KDM4C: variants seen among roughly 807,000 people sequenced by gnomAD.
The protein encoded by KDM4C is lysine-specific demethylase 4C.
In KDM4C, 81 loss-of-function variants were observed where a neutral mutation model predicts 129.3. The observed-to-expected ratio is 0.63, with a 90% CI of 0.52 to 0.75. The LOEUF is 0.75. KDM4C is among the 30% of genes least tolerant of loss of function. The pLI is 0.00. For synonymous variants in KDM4C, 573 were observed against 456.1 expected, an observed-to-expected ratio of 1.26 and a Z score of -3.26; for missense variants, 1,457 against 1,304.0, an observed-to-expected ratio of 1.12 and a Z score of -1.81.
rs555591302 is a variant in KDM4C, at chr9:6,836,107, G to T, written c.436-13400G>T. Among the ~76,000 whole-genome samples, 3 of 152,266 alleles carry T rather than the reference G, an allele frequency of 2.0e-5. No homozygotes were observed. The South Asian group carries it at 6.2e-4, about 32-fold the overall frequency. ...GTCTCCCTGGGAGTGGGTACAGGCA[G>T]CCAGGGCTTACCTGTACACTGACTT... On this transcript the variant is annotated intron_variant, in intron 4 of 21. Transcript: ENST00000381309.
rs542318404 is a variant in KDM4C at position 6,788,389 on chromosome 9, G to A, written c.-17-4583G>A. 1.4e-4 allele frequency among the ~76,000 whole-genome samples: 21 copies of A among 152,252 alleles called. 1 individual carries two copies. The South Asian group carries it at 4.1e-3, about 30-fold the overall frequency. ...GGCCACCCTTGTTCTTTAGCCTGTC[G>A]AAGATGAACACTGCCTTCTGTGTAC... On this transcript the variant is annotated intron_variant, in intron 1 of 21. Transcript: ENST00000381309.
intron 8 of KDM4C, among the ~76,000 whole-genome samples, chr9:6,971,334 C>T (rs1831951246): frequency 6.6e-6 from 1 of 151,980 alleles, no homozygotes; most frequent in Non-Finnish European, 1.5e-5. Context: ...GGATTTATTC[C>T]AGTTTGGATT....
chr9:7,095,950 T>G (rs920601041), intron 17 of KDM4C, among the ~76,000 whole-genome samples: 4 of 152,164 alleles, frequency 2.6e-5, no homozygotes, highest in African/African-American at 9.7e-5. Context: ...AATACGAACA[T>G]AAAAAGAAAT....
chr9:7,119,683 T>A (rs1427632917), intron 18 of KDM4C, among the ~76,000 whole-genome samples: 1 of 152,030 alleles, frequency 6.6e-6, no homozygotes, highest in Non-Finnish European at 1.5e-5. Flanking sequence ...ATATAATTAT[T>A]TGTTTGTAAT....
At chr9:6,842,006 C>G in intron 4 of KDM4C, among the ~76,000 whole-genome samples, 1 of 152,172 alleles carries the variant, frequency 6.6e-6, no homozygotes, top group East Asian at 1.9e-4. Flanking sequence ...GCATATTGAT[C>G]ATGGAACAGA....
At chr9:7,042,283 T>C (rs818873) in intron 15 of KDM4C, among the ~76,000 whole-genome samples, 151,173 of 152,144 alleles carry the variant, frequency 0.99, 75,112 homozygotes, top group Middle Eastern at 1. Flanking sequence ...ATATTAAACA[T>C]TGTGATATGT....
intron 17 of KDM4C, among the ~76,000 whole-genome samples, chr9:7,080,645 G>T (rs953624727): frequency 3.9e-5 from 6 of 152,112 alleles, no homozygotes; most frequent in East Asian, 1.9e-4. Flanking sequence ...TATATTTGGG[G>T]CAGACATTTT....
At chr9:6,821,798 C>T (rs920415580) in intron 4 of KDM4C, among the ~76,000 whole-genome samples, 2 of 152,092 alleles carry the variant, frequency 1.3e-5, no homozygotes, top group Non-Finnish European at 2.9e-5. Flanking sequence ...CCACACCTGT[C>T]TAATTTTTGT....
chr9:6,881,307 CT>C (rs1224943276), intron 6 of KDM4C, among the ~76,000 whole-genome samples: 1 of 152,056 alleles, frequency 6.6e-6, no homozygotes, highest in Non-Finnish European at 1.5e-5. Flanking sequence ...TATAAAGTGT[CT>C]TTTTAAAAAT....
At chr9:6,776,860 C>T (rs1296114949) in intron 1 of KDM4C, among the ~76,000 whole-genome samples, 2 of 151,172 alleles carry the variant, frequency 1.3e-5, no homozygotes, top group African/African-American at 4.8e-5. Context: ...CCTCGGCCTC[C>T]CAAAGTGCTG....
chr9:6,732,121 A>T (rs1273329424), intron 1 of KDM4C, among the ~76,000 whole-genome samples: 3 of 151,968 alleles, frequency 2.0e-5, no homozygotes, highest in African/African-American at 4.8e-5. Context: ...TAATCCCAGC[A>T]CTTGGGAGGC....
At chr9:6,830,063 G>A (rs1465507504) in intron 4 of KDM4C, among the ~76,000 whole-genome samples, 1 of 152,042 alleles carries the variant, frequency 6.6e-6, no homozygotes, top group Non-Finnish European at 1.5e-5. Context: ...CAGTGTTTCT[G>A]TACCAAAATT....
At chr9:6,858,775 C>G (rs1366948201) in intron 5 of KDM4C, among the ~76,000 whole-genome samples, 1 of 150,016 alleles carries the variant, frequency 6.7e-6, no homozygotes, top group Admixed American at 6.6e-5. Context: ...GTCTCCCCCC[C>G]CGGCAAAAAA....
intron 19 of KDM4C, among the ~76,000 whole-genome samples, chr9:7,152,763 G>A (rs1440786359): frequency 6.6e-6 from 1 of 152,162 alleles, no homozygotes; most frequent in Non-Finnish European, 1.5e-5. Flanking sequence ...GGAAGGAGGC[G>A]AAGGAACATG....
intron 16 of KDM4C, 96 bp downstream of exon 16, chr9:7,047,013 T>C: frequency 1.1e-6 from 1 of 877,378 alleles, no homozygotes; most frequent in Non-Finnish European, 1.9e-6. Context: ...ATTGTACACG[T>C]GGTTTCAAAG....
At chr9:6,804,256 T>C (rs1337119826) in intron 2 of KDM4C, among the ~76,000 whole-genome samples, 1 of 152,206 alleles carries the variant, frequency 6.6e-6, no homozygotes, top group African/African-American at 2.4e-5. Context: ...TATACTGGCA[T>C]TTGAGAGTTG....
chr9:7,089,821 C>T (rs113545964), intron 17 of KDM4C, among the ~76,000 whole-genome samples: 2,220 of 152,322 alleles, frequency 0.015, 57 homozygotes, highest in African/African-American at 0.05. Flanking sequence ...TTTGCTGGCT[C>T]GGCCTTTCCT....
chr9:6,939,807 C>G, intron 8 of KDM4C, among the ~76,000 whole-genome samples: 1 of 152,008 alleles, frequency 6.6e-6, no homozygotes, highest in Non-Finnish European at 1.5e-5. Flanking sequence ...TGATTCCGTC[C>G]CTCTCTTGGC....
chr9:6,831,823 G>C (rs112067035), intron 4 of KDM4C, among the ~76,000 whole-genome samples: 1 of 152,134 alleles, frequency 6.6e-6, no homozygotes, highest in South Asian at 2.1e-4. Flanking sequence ...CTGACCTTTC[G>C]TTGGCCAGAA....
Sources: allele counts gnomAD v4.1 joint callset (sites outside exome capture counted in the v4.1 genomes callset), GRCh38; gene constraint gnomAD v4.1.1; transcripts MANE v1.5; gene names NCBI Gene and HGNC (gene_info 2026-07-23, HGNC 2026-07-21).